Variants in SKIC3 observed in about 807,000 individuals in gnomAD.
The protein encoded by SKIC3 is SKI3 subunit of superkiller complex.
the SKIC3 span, among the ~76,000 whole-genome samples, chr5:95,494,124 A>C: frequency 6.6e-6 from 1 of 152,188 alleles, no homozygotes; most frequent in Non-Finnish European, 1.5e-5. Flanking sequence ...TTGATGCAAA[A>C]TGGAAATAAA....
the SKIC3 span, among the ~76,000 whole-genome samples, chr5:95,470,608 G>A: frequency 1.3e-5 from 2 of 152,030 alleles, no homozygotes; most frequent in Non-Finnish European, 2.9e-5. Context: ...TATCTAAGGA[G>A]AGAGGAAAGG....
the SKIC3 span, among the ~76,000 whole-genome samples, chr5:95,517,862 T>G: frequency 6.6e-6 from 1 of 152,106 alleles, no homozygotes; most frequent in African/African-American, 2.4e-5. Context: ...TCATGAGGGC[T>G]CTGCCTCCCT....
chr5:95,485,428 G>A, the SKIC3 span, among the ~76,000 whole-genome samples: 226 of 152,214 alleles, frequency 1.5e-3, no homozygotes, highest in African/African-American at 5.3e-3. Context: ...GTGCTAATAT[G>A]GCAAATTACC....
chr5:95,553,476 T>C, the SKIC3 span, among the ~76,000 whole-genome samples: 1 of 152,276 alleles, frequency 6.6e-6, no homozygotes, highest in Non-Finnish European at 1.5e-5. Context: ...CCTTCCGTGC[T>C]GTATTATTAT....
chr5:95,541,432 T>C, the SKIC3 span: 3 of 1,558,742 alleles, frequency 1.9e-6, no homozygotes, highest in South Asian at 2.2e-5. Flanking sequence ...ATCTGATTAA[T>C]AAAAATAACC....
the SKIC3 span, among the ~76,000 whole-genome samples, chr5:95,512,226 A>G: frequency 1.3e-5 from 2 of 152,284 alleles, no homozygotes; most frequent in African/African-American, 4.8e-5. Flanking sequence ...AGTGTATTAA[A>G]GCCTAATACA....
the SKIC3 span, among the ~76,000 whole-genome samples, chr5:95,552,056 A>G: frequency 6.6e-6 from 1 of 152,316 alleles, no homozygotes; most frequent in East Asian, 1.9e-4. Flanking sequence ...TTACCTATAC[A>G]AACGGCCCCT....
the SKIC3 span, among the ~76,000 whole-genome samples, chr5:95,528,493 A>T: frequency 2.0e-5 from 3 of 152,214 alleles, no homozygotes; most frequent in Non-Finnish European, 4.4e-5. Context: ...GAAATTAAGG[A>T]TACTGGAAGG....
the SKIC3 span, chr5:95,522,331 G>A: frequency 6.2e-7 from 1 of 1,610,906 alleles, no homozygotes; most frequent in Non-Finnish European, 8.5e-7. Context: ...AACCGTAAGA[G>A]AACTAAAAGT....
the SKIC3 span, among the ~76,000 whole-genome samples, chr5:95,486,658 A>C: frequency 6.6e-6 from 1 of 152,330 alleles, no homozygotes; most frequent in South Asian, 2.1e-4. Context: ...TGCCCAGCTC[A>C]GACCACCACC....
At chr5:95,537,292 C>T in the SKIC3 span, 1 of 731,594 alleles carries the variant, frequency 1.4e-6, no homozygotes, top group Admixed American at 2.7e-5. Context: ...AAAAAATGTA[C>T]ATGTAAGTTT....
the SKIC3 span, chr5:95,516,662 C>T: frequency 1.2e-6 from 2 of 1,613,224 alleles, no homozygotes; most frequent in Non-Finnish European, 1.7e-6. Context: ...AAGTGTTACT[C>T]AATTCTCACC....
the SKIC3 span, among the ~76,000 whole-genome samples, chr5:95,508,847 A>G: frequency 3.3e-5 from 5 of 152,232 alleles, no homozygotes; most frequent in African/African-American, 1.2e-4. Flanking sequence ...ATAAATAAAT[A>G]CATAGTAGAT....
chr5:95,502,782 A>G, the SKIC3 span: 3 of 1,545,096 alleles, frequency 1.9e-6, no homozygotes, highest in South Asian at 3.4e-5. Context: ...TGTTCACCCA[A>G]AAGTTCCTAA....
chr5:95,487,186 C>T, the SKIC3 span, among the ~76,000 whole-genome samples: 1 of 152,160 alleles, frequency 6.6e-6, no homozygotes, highest in Non-Finnish European at 1.5e-5. Flanking sequence ...CCTCAAACAT[C>T]AGACTTCAAG....
chr5:95,504,539 G>A, the SKIC3 span, among the ~76,000 whole-genome samples: 1 of 150,388 alleles, frequency 6.6e-6, no homozygotes, highest in Non-Finnish European at 1.5e-5. Flanking sequence ...ATTACCCTAT[G>A]AGTATGATTC....
the SKIC3 span, among the ~76,000 whole-genome samples, chr5:95,553,817 C>T: frequency 5.7e-4 from 87 of 152,368 alleles, no homozygotes; most frequent in Non-Finnish European, 1.1e-3. Flanking sequence ...TCTCGGCTTC[C>T]CAAAGTGCTG....
chr5:95,532,297 C>T, the SKIC3 span, among the ~76,000 whole-genome samples: 63 of 152,218 alleles, frequency 4.1e-4, 1 homozygote, highest in African/African-American at 1.3e-3. Flanking sequence ...ACTTTTAAAA[C>T]AAGGTAAACC....
the SKIC3 span, among the ~76,000 whole-genome samples, chr5:95,489,450 A>C: frequency 2.0e-5 from 3 of 151,670 alleles, no homozygotes; most frequent in Admixed American, 1.3e-4. Flanking sequence ...AAAGCAGTAT[A>C]GTGTTAGTTG....
Sources: allele counts gnomAD v4.1 joint callset (sites outside exome capture counted in the v4.1 genomes callset), GRCh38; gene constraint gnomAD v4.1.1; transcripts MANE v1.5; gene names NCBI Gene and HGNC (gene_info 2026-07-23, HGNC 2026-07-21).